Variants in TAF2 observed in about 807,000 individuals in gnomAD.
The protein encoded by TAF2 is TATA-box binding protein associated factor 2.
TAF2 carries 61 observed loss-of-function variants against 138.5 expected under a neutral mutation model. That is an observed-to-expected ratio of 0.44 (90% CI 0.36 to 0.54). The LOEUF is 0.54. Ranked by LOEUF, TAF2 falls within the 20% of genes least tolerant of loss-of-function variation. The pLI is 0.00. For synonymous variants in TAF2, 475 were observed against 469.9 expected (o/e 1.01, Z -0.14); for missense variants, 1,090 against 1,427.9 (o/e 0.76, Z 3.81).
At position 119,771,342 on chromosome 8, in the gene TAF2, T is replaced by C. The variant is rs182437679; in HGVS notation, c.2364+6677A>G. On this transcript the variant is annotated intron_variant, in intron 18 of 25. Coordinates refer to ENST00000378164, the MANE Select transcript of TAF2 (RefSeq NM_003184.4). ...CCTCCCCGTCCTAGGTTCAAGTGAC[T>C]CTCCTGCCTCAGCCTCCTGAGTAGC... Among the ~76,000 whole-genome samples, 303 of 152,110 alleles carry C rather than the reference T, an allele frequency of 2.0e-3. 2 individuals carry two copies. Among genetic ancestry groups the C allele is most frequent in the African/African-American group, 6.0e-3 (249 of 41,502 alleles).
At chr8:119,778,160 C>T (rs754476767) in intron 17 of TAF2, 31 bp from the exon 18 acceptor site, 1 of 1,371,266 alleles carries the variant, frequency 7.3e-7, no homozygotes, top group Non-Finnish European at 1.0e-6. Flanking sequence ...CTTTTAAAAG[C>T]ACAGAACCTA....
At position 119,760,571 on chromosome 8, in the gene TAF2, A is replaced by T. The variant is rs370333228; in HGVS notation, c.2698+28T>A. 14 of 1,609,584 alleles carry T rather than the reference A, an allele frequency of 8.7e-6. No individual in the cohort carries two copies. In the African/African-American group the frequency reaches 1.1e-4, roughly 12 times the overall value. ...AAAGTAAATAGTTCTTTCTAAAATG[A>T]TATGAGCACGTATTTCTAAAGTATT... On this transcript the variant is annotated intron_variant, in intron 20 of 25. Coordinates refer to ENST00000378164, the MANE Select transcript of TAF2 (RefSeq NM_003184.4).
intron 23 of TAF2, 146 bp from the exon 24 acceptor site, chr8:119,744,539 G>T: frequency 2.9e-6 from 2 of 700,590 alleles, no homozygotes; most frequent in South Asian, 1.7e-5. Context: ...TTTCTTCAAA[G>T]ATATTAAGAG....
intron 2 of TAF2, among the ~76,000 whole-genome samples, chr8:119,828,267 G>A (rs568626668): frequency 6.6e-6 from 1 of 152,116 alleles, no homozygotes; most frequent in Non-Finnish European, 1.5e-5. Context: ...CATCCACCAG[G>A]GCACATAACC....
chr8:119,748,487 A>G (rs557001163), intron 22 of TAF2, among the ~76,000 whole-genome samples: 4 of 151,774 alleles, frequency 2.6e-5, no homozygotes, highest in African/African-American at 9.7e-5. Context: ...TTCCTACTTC[A>G]GACATTTTCA....
intron 3 of TAF2, among the ~76,000 whole-genome samples, chr8:119,815,306 A>G (rs1586523223): frequency 6.7e-6 from 1 of 149,236 alleles, no homozygotes; most frequent in African/African-American, 2.5e-5. Context: ...AGGGAGTCTC[A>G]CTCTGTCGCC....
intron 19 of TAF2, chr8:119,761,796 G>A (rs1446470942): frequency 7.0e-6 from 1 of 143,508 alleles, no homozygotes; most frequent in Non-Finnish European, 1.5e-5. Flanking sequence ...GCGAAACTTG[G>A]TCTCAAAAAA....
At position 119,801,884 on chromosome 8, in the gene TAF2, G is replaced by A; in HGVS notation, c.702C>T (p.Phe234=). ...VYTHDMRKKT[F]HYMLTIPTAA... ...CTGTAGGAATGGTAAGCATATAATG[G>A]AAAGTTTTCTTCCTCATATCATGAG... The change falls in exon 6 of 26, where the codon TTC becomes TTT. Residue 234 remains phenylalanine, a synonymous_variant. Coordinates refer to ENST00000378164, the MANE Select transcript of TAF2 (RefSeq NM_003184.4). 6.2e-7 allele frequency: 1 copy of A among 1,614,156 alleles called. No individual in the cohort carries two copies. Among genetic ancestry groups the A allele is most frequent in the East Asian group, 2.2e-5 (1 of 44,888 alleles).
At chr8:119,821,791 C>T (rs1825819681) in intron 2 of TAF2, among the ~76,000 whole-genome samples, 1 of 152,114 alleles carries the variant, frequency 6.6e-6, no homozygotes, top group Non-Finnish European at 1.5e-5. Flanking sequence ...AATCCTAGCA[C>T]TTTGGGAGGC....
rs766632493 is a variant in TAF2 at position 119,788,462 on chromosome 8, AC to A, written c.1684-16del. 1.6e-4 allele frequency: 261 copies of A among 1,587,740 alleles called. 3 individuals carry two copies. Among genetic ancestry groups the A allele is most frequent in the Middle Eastern group, 1.0e-3 (6 of 6,004 alleles). On this transcript the variant is annotated splice_polypyrimidine_tract_variant and intron_variant, in intron 13 of 25. Transcript: ENST00000378164. The stretch of plus-strand genomic sequence containing the variant: ...TTAAGTGGTCCCTTTTAAAAAAAAA[AC>A]GTACTGTTCAGAGATGTGATTTAAA...
At chr8:119,763,831 G>A (rs955268518) in intron 18 of TAF2, among the ~76,000 whole-genome samples, 13 of 151,548 alleles carry the variant, frequency 8.6e-5, no homozygotes, top group Non-Finnish European at 1.5e-4. Context: ...TCCAGCCTGG[G>A]TGACAGAGCA....
chr8:119,830,584 G>C (rs929502553), intron 2 of TAF2, among the ~76,000 whole-genome samples: 1 of 152,070 alleles, frequency 6.6e-6, no homozygotes, highest in East Asian at 1.9e-4. Context: ...TTCCATAAAC[G>C]AGGAGACTAA....
chr8:119,781,010 G>C, intron 17 of TAF2, 43 bp downstream of exon 17: 1 of 1,570,362 alleles, frequency 6.4e-7, no homozygotes, highest in Non-Finnish European at 8.7e-7. Context: ...AACTTAAACT[G>C]AAATATATAA....
intron 6 of TAF2, 96 bp downstream of exon 6, chr8:119,801,698 G>T: frequency 8.2e-7 from 1 of 1,219,050 alleles, no homozygotes; most frequent in Non-Finnish European, 1.2e-6. Flanking sequence ...AAAGTGCTGG[G>T]ATTACAGGCA....
At chr8:119,764,772 T>C (rs550551197) in intron 18 of TAF2, among the ~76,000 whole-genome samples, 1 of 152,170 alleles carries the variant, frequency 6.6e-6, no homozygotes, top group African/African-American at 2.4e-5. Context: ...AAAGACATAA[T>C]GTATAAAACA....
chr8:119,757,216 G>C (rs997853988), intron 21 of TAF2, among the ~76,000 whole-genome samples: 1 of 152,136 alleles, frequency 6.6e-6, no homozygotes, highest in Non-Finnish European at 1.5e-5. Context: ...ACATCCTCTT[G>C]TGCTTTGAAA....
At position 119,783,370 on chromosome 8, in the gene TAF2, T is replaced by C. The variant is rs1338149478; in HGVS notation, c.2112+11A>G. 2 of 1,613,834 alleles carry C rather than the reference T, an allele frequency of 1.2e-6. No homozygotes were observed. The highest frequency in any genetic ancestry group is 1.3e-5 in the African/African-American group (1 of 74,938). On this transcript the variant is annotated intron_variant, in intron 16 of 25. Coordinates refer to ENST00000378164, the MANE Select transcript of TAF2 (RefSeq NM_003184.4). ...CAATAGTCATTTCCTTTATGCTGTA[T>C]ATAATCTCACCTTTGCAAGACAGAA...
intron 3 of TAF2, among the ~76,000 whole-genome samples, chr8:119,816,347 G>A (rs968569704): frequency 4.0e-5 from 6 of 151,336 alleles, no homozygotes; most frequent in South Asian, 2.1e-4. Flanking sequence ...ATGAGCCACC[G>A]CACCAGGCCT....
At chr8:119,804,243 T>C (rs1824462601) in intron 4 of TAF2, among the ~76,000 whole-genome samples, 1 of 152,188 alleles carries the variant, frequency 6.6e-6, no homozygotes, top group Non-Finnish European at 1.5e-5. Context: ...AACTATTGCT[T>C]GTATTATTTT....
Sources: allele counts gnomAD v4.1 joint callset (sites outside exome capture counted in the v4.1 genomes callset), GRCh38; gene constraint gnomAD v4.1.1; transcripts MANE v1.5; gene names NCBI Gene and HGNC (gene_info 2026-07-23, HGNC 2026-07-21).